RAB3C: variants seen among roughly 807,000 people sequenced by gnomAD.
RAB3C encodes the protein ras-related protein Rab-3C.
Under a neutral mutation model 26.4 loss-of-function variants are expected in RAB3C, and 17 were observed. The observed-to-expected ratio is 0.64, with a 90% confidence interval of 0.44 to 0.97. The LOEUF is 0.97. RAB3C is among the 50% of genes least tolerant of loss of function. The pLI is 0.00. For synonymous variants in RAB3C, 91 were observed against 95.9 expected, an observed-to-expected ratio of 0.95 and a Z score of 0.30; for missense variants, 242 against 281.9, an observed-to-expected ratio of 0.86 and a Z score of 1.01.
intron 2 of RAB3C, among the ~76,000 whole-genome samples, chr5:58,680,720 A>G (rs1748327292): frequency 6.6e-6 from 1 of 152,164 alleles, no homozygotes; most frequent in Non-Finnish European, 1.5e-5. Context: ...TCCTTCCTCC[A>G]TCAGCACATC....
At chr5:58,826,625 T>C (rs77445645) in intron 4 of RAB3C, among the ~76,000 whole-genome samples, 9,051 of 152,292 alleles carry the variant, frequency 0.059, 355 homozygotes, top group East Asian at 0.12. Flanking sequence ...ATAAAACTTC[T>C]GTAAAACAAA....
At chr5:58,597,050 T>C (rs867836806) in intron 1 of RAB3C, among the ~76,000 whole-genome samples, 1,899 of 93,008 alleles carry the variant, frequency 0.02, 18 homozygotes, top group African/African-American at 0.084. Context: ...TTATATAATA[T>C]ATATAATACA....
intron 2 of RAB3C, among the ~76,000 whole-genome samples, chr5:58,710,607 TAA>T (rs1401958648): frequency 0.025 from 3,737 of 147,828 alleles, 158 homozygotes; most frequent in African/African-American, 0.085. Context: ...TCAAAATAAA[TAA>T]ATAAATAAAT....
At chr5:58,846,434 C>T (rs1744004780) in intron 4 of RAB3C, among the ~76,000 whole-genome samples, 1 of 152,270 alleles carries the variant, frequency 6.6e-6, no homozygotes, top group African/African-American at 2.4e-5. Flanking sequence ...GGCTGGAGTG[C>T]AGTGACGTGA....
At chr5:58,805,965 TTTTG>T (rs773955321) in intron 3 of RAB3C, among the ~76,000 whole-genome samples, 54 of 152,280 alleles carry the variant, frequency 3.5e-4, no homozygotes, top group Non-Finnish European at 6.8e-4. Context: ...GCACCCTTCT[TTTTG>T]TTTTTCTGTT....
intron 1 of RAB3C, 88 bp from the exon 2 acceptor site, chr5:58,617,555 C>G: frequency 9.3e-7 from 1 of 1,071,320 alleles, no homozygotes; most frequent in East Asian, 2.4e-5. Flanking sequence ...TCTGGCAAGG[C>G]CAATAATGAG....
chr5:58,628,156 C>CAAAAAA (rs58277302), intron 2 of RAB3C, among the ~76,000 whole-genome samples: 12 of 71,458 alleles, frequency 1.7e-4, no homozygotes, highest in Non-Finnish European at 1.7e-4. Flanking sequence ...GACTCCGTCT[C>CAAAAAA]AAAAAAAAAA....
chr5:58,728,837 T>C (rs1740942519), intron 3 of RAB3C, among the ~76,000 whole-genome samples: 1 of 152,074 alleles, frequency 6.6e-6, no homozygotes, highest in African/African-American at 2.4e-5. Flanking sequence ...TCTATTTCAC[T>C]GACATCATCT....
At chr5:58,755,200 A>G (rs1281323394) in intron 3 of RAB3C, among the ~76,000 whole-genome samples, 3 of 152,224 alleles carry the variant, frequency 2.0e-5, no homozygotes, top group Non-Finnish European at 4.4e-5. Flanking sequence ...AGATACTGAG[A>G]GACAGTGCTG....
At chr5:58,698,033 T>A (rs1032927793) in intron 2 of RAB3C, among the ~76,000 whole-genome samples, 6 of 152,222 alleles carry the variant, frequency 3.9e-5, no homozygotes, top group Non-Finnish European at 8.8e-5. Flanking sequence ...CTTTACAATT[T>A]GGGATGTTTT....
Position 58,661,344 on chromosome 5 carries a change from C to G in RAB3C, c.252+43474C>G, listed in dbSNP as rs985696322. 2.7e-5 allele frequency among the ~76,000 whole-genome samples: 4 copies of G among 149,922 alleles called. No individual in the cohort carries two copies. The South Asian group carries it at 8.3e-4, about 31-fold the overall frequency. On this transcript the variant is annotated intron_variant, in intron 2 of 4. Transcript: ENST00000282878. ...TATCTTTTTTTCTTCCATGGTATTT[C>G]TAATATACATTTCCATGTTTATAAT...
At chr5:58,583,866 C>T (rs536559257) in intron 1 of RAB3C, among the ~76,000 whole-genome samples, 36 of 152,216 alleles carry the variant, frequency 2.4e-4, no homozygotes, top group African/African-American at 7.5e-4. Flanking sequence ...TGTTATGTGC[C>T]CATTTGTTCT....
chr5:58,715,895 G>T (rs965631558), intron 2 of RAB3C, among the ~76,000 whole-genome samples: 3 of 151,978 alleles, frequency 2.0e-5, no homozygotes, highest in Non-Finnish European at 4.4e-5. Context: ...TCATGCCCTG[G>T]AAGAGTGAAT....
intron 4 of RAB3C, among the ~76,000 whole-genome samples, chr5:58,848,013 C>T (rs1812866): frequency 0.45 from 68,669 of 151,868 alleles, 16,065 homozygotes; most frequent in Middle Eastern, 0.64. Context: ...CATGCCACAA[C>T]GCCTGGCTAA....
intron 2 of RAB3C, among the ~76,000 whole-genome samples, chr5:58,654,215 T>G (rs1167033665): frequency 6.6e-6 from 1 of 152,138 alleles, no homozygotes; most frequent in African/African-American, 2.4e-5. Context: ...TAATATATCA[T>G]GTAGGTAATG....
chr5:58,639,513 T>C lies in RAB3C; in HGVS notation c.252+21643T>C, dbSNP rs77583136. Among the ~76,000 whole-genome samples the C allele has an allele frequency of 6.7e-3, 1,024 of 152,300 alleles. 20 individuals carry two copies. The highest frequency in any genetic ancestry group is 0.023 in the African/African-American group (956 of 41,578). On this transcript the variant is annotated intron_variant, in intron 2 of 4. Coordinates refer to ENST00000282878, the MANE Select transcript of RAB3C (RefSeq NM_138453.4). ...AGCTGCCTTCCTCTGTGTCCTCACA[T>C]GGCAGAGAGAGGAGAGAGAGCCCTG...
rs185557896 is a variant in RAB3C at position 58,844,558 on chromosome 5, A to G, written c.497-6606A>G. Among the ~76,000 whole-genome samples, 4 of 152,290 alleles carry G rather than the reference A, an allele frequency of 2.6e-5. No individual in the cohort carries two copies. In the East Asian group the frequency reaches 7.7e-4, roughly 29 times the overall value. On this transcript the variant is annotated intron_variant, in intron 4 of 4. Coordinates refer to ENST00000282878, the MANE Select transcript of RAB3C (RefSeq NM_138453.4). ...TGCCAGTTTGTCCTGCTGCTCAGCA[A>G]TCCCTACTTCTGGCTCAAATGTCAC...
chr5:58,759,841 A>G (rs1262500804), intron 3 of RAB3C, among the ~76,000 whole-genome samples: 2 of 152,210 alleles, frequency 1.3e-5, no homozygotes, highest in African/African-American at 4.8e-5. Flanking sequence ...GGTATTGATT[A>G]ATTAGTGATG....
chr5:58,701,956 G>A (rs868866453), intron 2 of RAB3C, among the ~76,000 whole-genome samples: 8 of 152,078 alleles, frequency 5.3e-5, no homozygotes, highest in Non-Finnish European at 1.2e-4. Context: ...TTGGAGATTG[G>A]AAAGTAGACC....
Sources: gnomAD v4.1 joint callset for allele counts (sites outside exome capture counted in the v4.1 genomes callset) on GRCh38, gnomAD v4.1.1 for gene constraint, MANE v1.5 for transcripts, NCBI Gene and HGNC (gene_info 2026-07-23, HGNC 2026-07-21) for gene names.